Variants in NEXMIF observed in about 807,000 individuals in gnomAD.
The protein encoded by NEXMIF is neurite extension and migration factor.
A neutral mutation model predicts 62.1 loss-of-function variants in NEXMIF; 8 were observed. The ratio of observed to expected loss-of-function variants is 0.13; its 90% confidence interval spans 0.08 to 0.23. The LOEUF (loss-of-function observed/expected upper bound fraction) is 0.23, where lower values mean the gene tolerates loss of function less well. NEXMIF is among the 10% of genes least tolerant of loss of function. The pLI, the probability that NEXMIF is intolerant of heterozygous loss-of-function variation, is 1.00. For missense variants in NEXMIF, 976 were observed against 1,113.3 expected (o/e 0.88, Z 1.75); for synonymous variants, 404 against 416.6 (o/e 0.97, Z 0.37).
At chrX:74,862,911 C>T (rs765526385) in intron 1 of NEXMIF, among the ~76,000 whole-genome samples, 53 of 111,527 alleles carry the variant, frequency 4.8e-4, no homozygotes, top group African/African-American at 1.7e-3. Flanking sequence ...TGGCTCATGC[C>T]TGTAATCCCA....
chrX:74,832,563 TA>T (rs1192550575), intron 1 of NEXMIF, among the ~76,000 whole-genome samples: 2 of 111,062 alleles, frequency 1.8e-5, no homozygotes, highest in African/African-American at 3.3e-5. Flanking sequence ...GAAAACAAAA[TA>T]AAAAAAACCA....
chrX:74,782,881 G>A (rs934906960), intron 1 of NEXMIF, among the ~76,000 whole-genome samples: 7 of 111,954 alleles, frequency 6.3e-5, no homozygotes, highest in African/African-American at 2.3e-4. Context: ...AGGACTAGAA[G>A]AAGATTCAAG....
chrX:74,835,067 C>G (rs1025301159), intron 1 of NEXMIF, among the ~76,000 whole-genome samples: 1 of 111,827 alleles, frequency 8.9e-6, no homozygotes, highest in Non-Finnish European at 1.9e-5. Flanking sequence ...TTCTTGTGCT[C>G]GATCAGTTCT....
chrX:74,762,073 C>T (rs145229641), intron 1 of NEXMIF, among the ~76,000 whole-genome samples: 42 of 109,778 alleles, frequency 3.8e-4, no homozygotes, highest in Middle Eastern at 9.1e-3. Flanking sequence ...ATTAACTCCT[C>T]GCCATTTACA....
intron 1 of NEXMIF, among the ~76,000 whole-genome samples, chrX:74,853,886 G>T (rs1169488905): frequency 8.9e-6 from 1 of 111,752 alleles, no homozygotes; most frequent in Non-Finnish European, 1.9e-5. Flanking sequence ...GAATCAGGAA[G>T]AAGTAGAAAA....
intron 1 of NEXMIF, among the ~76,000 whole-genome samples, chrX:74,860,621 T>C (rs1422950154): frequency 9.0e-6 from 1 of 111,350 alleles, no homozygotes; most frequent in Admixed American, 9.5e-5. Flanking sequence ...TACAAACACA[T>C]GGAAATTAAA....
intron 1 of NEXMIF, among the ~76,000 whole-genome samples, chrX:74,778,168 C>T (rs1056925573): frequency 8.9e-6 from 1 of 111,903 alleles, no homozygotes; most frequent in African/African-American, 3.2e-5. Flanking sequence ...ATACTAAAAC[C>T]TCACCCCAAA....
intron 1 of NEXMIF, among the ~76,000 whole-genome samples, chrX:74,880,995 G>T (rs2080660558): frequency 9.0e-6 from 1 of 111,393 alleles, no homozygotes; most frequent in African/African-American, 3.3e-5. Flanking sequence ...CTATTTAAAA[G>T]AAAGAACCCA....
chrX:74,736,957 G>A lies in NEXMIF; in HGVS notation c.*2448C>T, dbSNP rs990126547. The A allele has an allele frequency of 2.7e-5, 3 of 111,682 alleles. No individual in the cohort carries two copies. Among genetic ancestry groups the A allele is most frequent in the African/African-American group, 9.8e-5 (3 of 30,562 alleles). The allele number at this position is 111,682 out of a possible 1,213,427, so 9.2% of individuals were successfully genotyped here. A position where few individuals can be genotyped will look rare whatever the true frequency, so the allele number is the denominator to read the frequency against. On this transcript the variant is annotated 3_prime_UTR_variant, in exon 4 of 4. Coordinates refer to ENST00000055682, the MANE Select transcript of NEXMIF (RefSeq NM_001008537.3). Reference sequence around the variant, plus strand: ...GACTTATGATAGCAAGTTCTCACAAGGAAATTGTTTCCAACAGTTTCAGGC... The same window carrying A: ...GACTTATGATAGCAAGTTCTCACAAAGAAATTGTTTCCAACAGTTTCAGGC...
chrX:74,792,561 T>G (rs1379857178), intron 1 of NEXMIF, among the ~76,000 whole-genome samples: 1 of 94,002 alleles, frequency 1.1e-5, no homozygotes, highest in East Asian at 3.4e-4. Context: ...ATCTGTCTAA[T>G]GTTGACAGTG....
chrX:74,749,489 C>G (rs1437730048), intron 1 of NEXMIF, among the ~76,000 whole-genome samples: 1 of 110,807 alleles, frequency 9.0e-6, no homozygotes, highest in East Asian at 2.8e-4. Context: ...TTCACTTCCC[C>G]CTATGTTCCT....
At chrX:74,888,370 G>T (rs761692978) in intron 1 of NEXMIF, among the ~76,000 whole-genome samples, 45 of 109,587 alleles carry the variant, frequency 4.1e-4, no homozygotes, top group Non-Finnish European at 7.6e-4. Context: ...CTATAAAAAA[G>T]GATGAGTTCA....
At chrX:74,837,264 C>T (rs1164315685) in intron 1 of NEXMIF, among the ~76,000 whole-genome samples, 1 of 111,684 alleles carries the variant, frequency 9.0e-6, no homozygotes, top group Non-Finnish European at 1.9e-5. Context: ...TGTGATTGCT[C>T]ACCTGATTTT....
chrX:74,784,160 G>A (rs2080254260), intron 1 of NEXMIF, among the ~76,000 whole-genome samples: 2 of 111,586 alleles, frequency 1.8e-5, no homozygotes, highest in South Asian at 7.5e-4. Context: ...TAGTTACCAC[G>A]ATTATAGTAT....
At chrX:74,907,279 G>A (rs2080771979) in intron 1 of NEXMIF, among the ~76,000 whole-genome samples, 1 of 110,033 alleles carries the variant, frequency 9.1e-6, no homozygotes, top group Admixed American at 9.7e-5. Context: ...CAGGTGAGGG[G>A]AGAGTGTTAA....
Position 74,739,276 on chromosome X carries a change from T to C in NEXMIF, c.*129A>G. Reference sequence around the variant, plus strand: ...GCAACTGTATGACTTTTTAAGTCTTTTACATAGAACATGAGATTAAAGTTT... The same window carrying C: ...GCAACTGTATGACTTTTTAAGTCTTCTACATAGAACATGAGATTAAAGTTT... On this transcript the variant is annotated 3_prime_UTR_variant, in exon 4 of 4. Coordinates refer to ENST00000055682, the MANE Select transcript of NEXMIF (RefSeq NM_001008537.3). 2.3e-6 allele frequency: 1 copy of C among 443,086 alleles called. No homozygotes were observed. Among genetic ancestry groups the C allele is most frequent in the Non-Finnish European group, 3.8e-6 (1 of 264,002 alleles). The allele number at this position is 443,086 out of a possible 1,213,427, so 36.5% of individuals were successfully genotyped here. A position where few individuals can be genotyped will look rare whatever the true frequency, so the allele number is the denominator to read the frequency against.
In NEXMIF at chrX:74,740,681, G is replaced by A. The variant is rs1443891211; in HGVS notation, c.3876C>T (p.Gly1292=). The change falls in exon 3 of 4, where the codon GGC becomes GGT. Residue 1292 remains glycine, a synonymous_variant. Transcript: ENST00000055682. Reference sequence around the variant, plus strand: ...TGGTGCCCATGCTCATATCACTCCAGCCTGGGCTGCTCTCCTTCCCCAAGG... The same window carrying A: ...TGGTGCCCATGCTCATATCACTCCAACCTGGGCTGCTCTCCTTCCCCAAGG... The part of the protein sequence containing the change: ...DWALGKESSP[G]WSDMSMGTNT... 1 of 1,210,463 alleles carries A rather than the reference G, an allele frequency of 8.3e-7. No homozygotes were observed. The highest frequency in any genetic ancestry group is 2.2e-5 in the Admixed American group (1 of 45,853).
chrX:74,876,519 G>C (rs1470242288), intron 1 of NEXMIF, among the ~76,000 whole-genome samples: 56 of 108,636 alleles, frequency 5.2e-4, no homozygotes, highest in African/African-American at 1.8e-3. Flanking sequence ...GCTTGGTGCA[G>C]AGCTGAGTTC....
intron 1 of NEXMIF, among the ~76,000 whole-genome samples, chrX:74,903,880 CGTGTGTGTGTGTGTGTGT>C (rs3222701): frequency 5.3e-5 from 5 of 94,211 alleles, no homozygotes; most frequent in East Asian, 3.3e-4. Context: ...CAATTCTAAT[CGTGTGTGTGTGTGTGTGT>C]GTGTGTGTGT....
Sources: allele counts gnomAD v4.1 joint callset (sites outside exome capture counted in the v4.1 genomes callset), GRCh38; gene constraint gnomAD v4.1.1; transcripts MANE v1.5; gene names NCBI Gene and HGNC (gene_info 2026-07-23, HGNC 2026-07-21).